NUP214: variants seen among roughly 807,000 people sequenced by gnomAD.
The protein encoded by NUP214 is nuclear pore complex protein Nup214.
A neutral mutation model predicts 196.2 loss-of-function variants in NUP214; 79 were observed. The observed-to-expected ratio is 0.40, with a 90% CI of 0.34 to 0.49. NUP214 has a LOEUF of 0.49. Ranked by LOEUF, NUP214 falls within the 20% of genes least tolerant of loss-of-function variation. NUP214 has a pLI of 0.58. For missense variants in NUP214, 2,468 were observed against 2,539.0 expected, an observed-to-expected ratio of 0.97 and a Z score of 0.60; for synonymous variants, 1,020 against 990.5, an observed-to-expected ratio of 1.03 and a Z score of -0.56.
intron 32 of NUP214, among the ~76,000 whole-genome samples, chr9:131,224,160 C>T (rs1834661400): frequency 6.6e-6 from 1 of 152,262 alleles, no homozygotes; most frequent in Admixed American, 6.5e-5. Flanking sequence ...ACTAGGACTA[C>T]TTTTTATCCC....
intron 31 of NUP214, among the ~76,000 whole-genome samples, chr9:131,216,525 CTT>C (rs59503012): frequency 1.6e-5 from 2 of 126,274 alleles, no homozygotes; most frequent in Non-Finnish European, 1.6e-5. Context: ...CACGCCCAGG[CTT>C]TTTTTTTTTT....
intron 4 of NUP214, 39 bp from the exon 5 acceptor site, chr9:131,130,727 A>G (rs1246050436): frequency 1.8e-5 from 29 of 1,585,144 alleles, no homozygotes; most frequent in Non-Finnish European, 2.5e-5. Context: ...GGTTTGCTCC[A>G]TTTTCTTGTT....
At chr9:131,172,977 C>A (rs1433895294) in intron 21 of NUP214, among the ~76,000 whole-genome samples, 1 of 152,230 alleles carries the variant, frequency 6.6e-6, no homozygotes, top group African/African-American at 2.4e-5. Context: ...AGAAAGTTAA[C>A]ATGACATAAA....
Position 131,197,832 on chromosome 9 carries a change from C to G in NUP214, c.4338C>G (p.Thr1446=), listed in dbSNP as rs1353908052. Residue 1446 remains threonine, a synonymous_variant, in exon 29 of 36, where the codon ACC becomes ACG. Transcript: ENST00000359428. ...GTTTTTCATTTGGAAGCCAACAGAC[C>G]AATAGCACAGTGCCCCCATCTGCCC... ...KTSFSFGSQQ[T]NSTVPPSAPP... 1.2e-6 allele frequency: 2 copies of G among 1,613,546 alleles called. No individual in the cohort carries two copies. The highest frequency in any genetic ancestry group is 4.5e-5 in the East Asian group (2 of 44,882).
At position 131,233,583 on chromosome 9, in the gene NUP214, C is replaced by T; in HGVS notation, c.*96C>T. ...AGCAGGCTGTTCAGACCGACGTTGC[C>T]ATCAAAACACATACACCCAGAAAGA... On this transcript the variant is annotated 3_prime_UTR_variant, in exon 36 of 36. Coordinates refer to ENST00000359428, the MANE Select transcript of NUP214 (RefSeq NM_005085.4). 7.8e-7 allele frequency: 1 copy of T among 1,281,636 alleles called. No homozygotes were observed. Among genetic ancestry groups the T allele is most frequent in the Non-Finnish European group, 1.1e-6 (1 of 891,736 alleles). 79.4% of individuals were successfully genotyped at this position (1,281,636 alleles called of 1,614,324 possible).
At chr9:131,218,032 T>C (rs1022515117) in intron 31 of NUP214, among the ~76,000 whole-genome samples, 5 of 152,204 alleles carry the variant, frequency 3.3e-5, no homozygotes, top group East Asian at 1.9e-4. Flanking sequence ...TACTGGCTGA[T>C]TCTTCTAATT....
chr9:131,228,050 T>C (rs1235194945), intron 32 of NUP214, 110 bp from the exon 33 acceptor site: 25 of 1,092,372 alleles, frequency 2.3e-5, no homozygotes, highest in Non-Finnish European at 3.1e-5. Context: ...CATCCTCTTT[T>C]CCCTTTTTTC....
At chr9:131,135,041 A>T in intron 8 of NUP214, 37 bp downstream of exon 8, 1 of 1,380,742 alleles carries the variant, frequency 7.2e-7, no homozygotes, top group African/African-American at 1.4e-5. Context: ...TCCTGCTCTC[A>T]CTGGAAGATC....
Position 131,146,008 on chromosome 9 carries a change from T to C in NUP214, c.1770-121T>C. The C allele has an allele frequency of 3.1e-6, 3 of 975,274 alleles. No individual in the cohort carries two copies. The highest frequency in any genetic ancestry group is 4.6e-6 in the Non-Finnish European group (3 of 659,194). 60.4% of individuals were successfully genotyped at this position (975,274 alleles called of 1,614,324 possible). On this transcript the variant is annotated intron_variant, in intron 12 of 35. Coordinates refer to ENST00000359428, the MANE Select transcript of NUP214 (RefSeq NM_005085.4). The surrounding 1 kb of genome is among the most constrained non-coding windows in gnomAD (Gnocchi z 4.6). ...ATTTTTGTTTCCTGAAGGCAAAAAGTATGTTATCTTTGTAAGTTAACATAA... is the reference window on the plus strand; with the variant it reads ...ATTTTTGTTTCCTGAAGGCAAAAAGCATGTTATCTTTGTAAGTTAACATAA...
At chr9:131,142,845 G>A (rs1265941451) in intron 11 of NUP214, among the ~76,000 whole-genome samples, 1 of 152,164 alleles carries the variant, frequency 6.6e-6, no homozygotes, top group East Asian at 1.9e-4. Context: ...TAGACAAAGT[G>A]TCTTCCATGA....
Position 131,195,171 on chromosome 9 carries a change from T to C in NUP214, c.3660-62T>C. 3 of 1,154,538 alleles carry C rather than the reference T, an allele frequency of 2.6e-6. No homozygotes were observed. In the South Asian group the frequency reaches 4.0e-5, roughly 15 times the overall value. 71.5% of individuals were successfully genotyped at this position (1,154,538 alleles called of 1,614,324 possible). ...TATGAATGAATGATAAAATGGAATA[T>C]TAAGAGGGCAATATTGTGCCTTGGT... On this transcript the variant is annotated intron_variant, in intron 27 of 35. Coordinates refer to ENST00000359428, the MANE Select transcript of NUP214 (RefSeq NM_005085.4).
chr9:131,184,658 A>G (rs567984911), intron 24 of NUP214, among the ~76,000 whole-genome samples: 2 of 151,966 alleles, frequency 1.3e-5, no homozygotes, highest in Non-Finnish European at 2.9e-5. Context: ...TTTAATGTGG[A>G]TTTTTTCAAA....
rs1457293265 is a variant in NUP214 at position 131,175,680 on chromosome 9, G to A, written c.3319+59G>A. On this transcript the variant is annotated intron_variant, in intron 23 of 35. Transcript: ENST00000359428. ...TGATTATGAGCTGTCTGAGTCACAGGCCAGGACAGCAGGTGGCAAGAAACA... is the reference window on the plus strand; with the variant it reads ...TGATTATGAGCTGTCTGAGTCACAGACCAGGACAGCAGGTGGCAAGAAACA... 4 of 1,561,280 alleles carry A rather than the reference G, an allele frequency of 2.6e-6. No homozygotes were observed. The East Asian group carries it at 6.9e-5, about 27-fold the overall frequency.
chr9:131,167,882 T>C (rs1406277755), intron 21 of NUP214, among the ~76,000 whole-genome samples: 1 of 152,162 alleles, frequency 6.6e-6, no homozygotes, highest in Non-Finnish European at 1.5e-5. Flanking sequence ...GAACAGAAGT[T>C]CGTTTTTGTT....
chr9:131,195,525 G>A, intron 28 of NUP214: 1 of 460,278 alleles, frequency 2.2e-6, no homozygotes. Context: ...TAGAAAATCA[G>A]GGCTGTGCTT....
intron 30 of NUP214, among the ~76,000 whole-genome samples, chr9:131,210,582 A>G (rs1466069319): frequency 6.6e-6 from 1 of 151,498 alleles, no homozygotes; most frequent in African/African-American, 2.4e-5. Flanking sequence ...AGCCGAGATC[A>G]CACCACTGCA....
chr9:131,206,960 G>A (rs1834105538), intron 30 of NUP214, among the ~76,000 whole-genome samples: 1 of 152,152 alleles, frequency 6.6e-6, no homozygotes. Flanking sequence ...TGATGGCAGG[G>A]GCCTTATTGT....
chr9:131,160,911 T>TA (rs1391680681), intron 18 of NUP214, among the ~76,000 whole-genome samples: 5 of 152,266 alleles, frequency 3.3e-5, no homozygotes, highest in Middle Eastern at 3.4e-3. Context: ...GGGGCCCCAT[T>TA]AGAGAACTAG....
chr9:131,167,415 A>G (rs1210426953), intron 21 of NUP214: 2 of 152,286 alleles, frequency 1.3e-5, no homozygotes, highest in South Asian at 2.1e-4. Flanking sequence ...CTTTCAGTTT[A>G]TAGCTATTAC....
Sources: allele counts gnomAD v4.1 joint callset (sites outside exome capture counted in the v4.1 genomes callset), GRCh38; gene constraint gnomAD v4.1.1; non-coding constraint Gnocchi (gnomAD v3.1); transcripts MANE v1.5; gene names NCBI Gene and HGNC (gene_info 2026-07-23, HGNC 2026-07-21).